RTTN: variants seen among roughly 807,000 people sequenced by gnomAD.
RTTN encodes rotatin.
In RTTN, 182 loss-of-function variants were observed where a neutral mutation model predicts 269.2. The observed-to-expected ratio is 0.68, with a 90% CI of 0.60 to 0.76. The LOEUF (loss-of-function observed/expected upper bound fraction) is 0.76. RTTN is among the 30% of genes least tolerant of loss of function. The pLI, the probability that RTTN is intolerant of heterozygous loss-of-function variation, is 0.00. For synonymous variants in RTTN, 1,006 were observed against 963.5 expected (o/e 1.04, Z -0.82); for missense variants, 2,545 against 2,608.6 (o/e 0.98, Z 0.53).
intron 40 of RTTN, among the ~76,000 whole-genome samples, chr18:70,045,214 A>T (rs1171904344): frequency 2.6e-5 from 4 of 152,244 alleles, no homozygotes; most frequent in Admixed American, 2.6e-4. Flanking sequence ...CTCTGACCAG[A>T]CATTTAACTG....
intron 33 of RTTN, among the ~76,000 whole-genome samples, chr18:70,074,323 A>G (rs1004876853): frequency 4.6e-5 from 7 of 152,126 alleles, no homozygotes; most frequent in Non-Finnish European, 7.4e-5. Flanking sequence ...TTTAAGGGCC[A>G]TGCTCTAAGT....
At chr18:70,053,748 T>C (rs989003870) in intron 38 of RTTN, among the ~76,000 whole-genome samples, 11 of 152,252 alleles carry the variant, frequency 7.2e-5, no homozygotes, top group Non-Finnish European at 1.3e-4. Context: ...TACATTTCAA[T>C]AATTTAGGAC....
chr18:70,147,330 C>A (rs2060420119), intron 17 of RTTN, among the ~76,000 whole-genome samples: 1 of 152,140 alleles, frequency 6.6e-6, no homozygotes, highest in Admixed American at 6.6e-5. Context: ...TGTGTTACAA[C>A]TGCATATGGT....
Position 70,109,602 on chromosome 18 carries a change from A to AG in RTTN, c.3798dup (p.Arg1268ThrfsTer5). The AG allele has an allele frequency of 6.2e-7, 1 of 1,614,162 alleles. No individual in the cohort carries two copies. The highest frequency in any genetic ancestry group is 8.5e-7 in the Non-Finnish European group (1 of 1,180,024). ...GCAGTGAGGTTAGCCATCCCTCGTAAGGTCCGCTCAAGGGACGGCAGGCCA... is the reference window on the plus strand; with the variant it reads ...GCAGTGAGGTTAGCCATCCCTCGTAAGGGTCCGCTCAAGGGACGGCAGGCCA... On this transcript the variant is annotated frameshift_variant, in exon 28 of 49. Transcript: ENST00000640769. LOFTEE classifies it high-confidence loss of function.
At chr18:70,006,344 T>C in intron 47 of RTTN, 37 bp downstream of exon 47, 1 of 1,453,530 alleles carries the variant, frequency 6.9e-7, no homozygotes, top group Non-Finnish European at 9.7e-7. Flanking sequence ...ACCTTGTTGT[T>C]TGCTCCCCAG....
At chr18:70,102,150 C>T (rs1275210481) in intron 28 of RTTN, among the ~76,000 whole-genome samples, 1 of 152,094 alleles carries the variant, frequency 6.6e-6, no homozygotes, top group African/African-American at 2.4e-5. Context: ...TTCTGTCTCA[C>T]TGATCTGTCT....
chr18:70,184,751 T>C lies in RTTN; in HGVS notation c.1305+3357A>G, dbSNP rs1211316171. On this transcript the variant is annotated intron_variant, in intron 10 of 48. Transcript: ENST00000640769. The stretch of plus-strand genomic sequence containing the variant: ...GTGTGTGTGTGTGTGTGTGTGTGTG[T>C]GTGTGTGGTGGCGGGCGCCTGTAGT... 8.9e-5 allele frequency among the ~76,000 whole-genome samples: 11 copies of C among 122,980 alleles called. No individual in the cohort carries two copies. The East Asian group carries it at 2.8e-3, about 31-fold the overall frequency. 80.7% of individuals were successfully genotyped at this position (122,980 alleles called of 152,430 possible).
intron 21 of RTTN, among the ~76,000 whole-genome samples, chr18:70,137,424 T>C (rs1270448243): frequency 6.6e-6 from 1 of 152,194 alleles, no homozygotes; most frequent in African/African-American, 2.4e-5. Context: ...AGTTATTTAT[T>C]GTACTCATTT....
chr18:70,202,923 AC>A (rs2061987524), intron 3 of RTTN, among the ~76,000 whole-genome samples: 1 of 152,154 alleles, frequency 6.6e-6, no homozygotes, highest in Non-Finnish European at 1.5e-5. Flanking sequence ...CTGTAACAGT[AC>A]TGGCAGAGAA....
intron 40 of RTTN, among the ~76,000 whole-genome samples, chr18:70,045,020 A>T (rs750553928): frequency 6.6e-6 from 1 of 152,236 alleles, no homozygotes; most frequent in Non-Finnish European, 1.5e-5. Flanking sequence ...CTGCTAAGTC[A>T]AATGTGTTCA....
In RTTN at chr18:70,142,312, C is replaced by T; in HGVS notation, c.2557G>A (p.Glu853Lys). Reference sequence around the variant, plus strand: ...CCTTGCATAATCACAGCTAACTGTTCAGCAGCTGACTTTCTCAAAACGAGA... The same window carrying T: ...CCTTGCATAATCACAGCTAACTGTTTAGCAGCTGACTTTCTCAAAACGAGA... ...VDLVLRKSAA[E>K]QLAVIMQDIK... The change falls in exon 19 of 49, where the codon GAA becomes AAA. Residue 853 changes from glutamate to lysine, a missense_variant. Transcript: ENST00000640769. 6.2e-7 allele frequency: 1 copy of T among 1,603,442 alleles called. No individual in the cohort carries two copies. The highest frequency in any genetic ancestry group is 8.5e-7 in the Non-Finnish European group (1 of 1,172,948).
At chr18:70,093,854 G>A (rs1231523738) in intron 28 of RTTN, among the ~76,000 whole-genome samples, 1 of 152,078 alleles carries the variant, frequency 6.6e-6, no homozygotes, top group Non-Finnish European at 1.5e-5. Context: ...TCTATCATTT[G>A]GAATAGTTTC....
intron 10 of RTTN, among the ~76,000 whole-genome samples, chr18:70,181,150 C>T (rs2061413738): frequency 6.6e-6 from 1 of 152,194 alleles, no homozygotes; most frequent in Admixed American, 6.5e-5. Context: ...TACCAACATT[C>T]TACAATTCTA....
chr18:70,025,500 C>T (rs767951988), intron 43 of RTTN, among the ~76,000 whole-genome samples: 2 of 152,134 alleles, frequency 1.3e-5, no homozygotes, highest in Non-Finnish European at 2.9e-5. Context: ...TGATTATGCA[C>T]GTGAGCATGC....
chr18:70,188,817 C>T lies in RTTN; in HGVS notation c.1190-594G>A, dbSNP rs2061604889. On this transcript the variant is annotated intron_variant, in intron 9 of 48. Coordinates refer to ENST00000640769, the MANE Select transcript of RTTN (RefSeq NM_173630.4). ...CCACAGAGACAGAATAACAAAGACT[C>T]CACTTCCATTATCCTGTGTGAGACG... 2.0e-5 allele frequency among the ~76,000 whole-genome samples: 3 copies of T among 152,204 alleles called. No homozygotes were observed. The South Asian group carries it at 6.2e-4, about 31-fold the overall frequency.
chr18:70,113,332 A>G (rs1380841924), intron 27 of RTTN, among the ~76,000 whole-genome samples: 1 of 152,216 alleles, frequency 6.6e-6, no homozygotes, highest in East Asian at 1.9e-4. Flanking sequence ...GGGGAAATGC[A>G]AATAAAAACC....
intron 17 of RTTN, among the ~76,000 whole-genome samples, chr18:70,147,274 C>T (rs561705232): frequency 5.3e-5 from 8 of 152,244 alleles, no homozygotes; most frequent in African/African-American, 1.7e-4. Context: ...GATTATATTA[C>T]TATATTTTTC....
intron 40 of RTTN, among the ~76,000 whole-genome samples, chr18:70,040,243 A>C (rs947436465): frequency 6.6e-6 from 1 of 152,204 alleles, no homozygotes; most frequent in East Asian, 1.9e-4. Context: ...TATTTCACCA[A>C]TAAAAATATA....
At chr18:70,045,024 G>T (rs947123845) in intron 40 of RTTN, among the ~76,000 whole-genome samples, 1 of 152,188 alleles carries the variant, frequency 6.6e-6, no homozygotes, top group Non-Finnish European at 1.5e-5. Context: ...TAAGTCAAAT[G>T]TGTTCAGTAT....
Sources: allele counts gnomAD v4.1 joint callset (sites outside exome capture counted in the v4.1 genomes callset), GRCh38; gene constraint gnomAD v4.1.1; transcripts MANE v1.5; gene names NCBI Gene and HGNC (gene_info 2026-07-23, HGNC 2026-07-21).